KCNAB1: variants seen among roughly 807,000 people sequenced by gnomAD.
KCNAB1 encodes the protein potassium voltage-gated channel subfamily A regulatory beta subunit 1.
In KCNAB1, 35 loss-of-function variants were observed where a neutral mutation model predicts 64.6. The observed-to-expected ratio is 0.54, with a 90% CI of 0.41 to 0.72. The LOEUF is 0.72. Among genes scored for constraint, KCNAB1 ranks in the 30% least tolerant of loss-of-function variants. KCNAB1 has a pLI of 0.00. For missense variants in KCNAB1, 401 were observed against 512.9 expected, an observed-to-expected ratio of 0.78 and a Z score of 2.11; for synonymous variants, 177 against 183.8, an observed-to-expected ratio of 0.96 and a Z score of 0.30.
At chr3:156,488,164 G>A (rs868768523) in intron 8 of KCNAB1, among the ~76,000 whole-genome samples, 7 of 152,122 alleles carry the variant, frequency 4.6e-5, no homozygotes, top group Middle Eastern at 3.4e-3. Flanking sequence ...GCATACATAG[G>A]ATTTATTAGA....
chr3:156,176,775 A>G (rs751315877), intron 1 of KCNAB1: 866 of 887,482 alleles, frequency 9.8e-4, no homozygotes, highest in Non-Finnish European at 1.5e-3. Context: ...TCCTGCTTGC[A>G]GCAAAGCTCC....
chr3:156,367,221 G>T (rs1259496301), intron 1 of KCNAB1, among the ~76,000 whole-genome samples: 8 of 147,226 alleles, frequency 5.4e-5, no homozygotes, highest in Non-Finnish European at 8.9e-5. Context: ...TGTCACCCAG[G>T]CTAGAGTGCA....
chr3:156,415,494 A>G (rs1329419965), intron 1 of KCNAB1, among the ~76,000 whole-genome samples: 1 of 151,990 alleles, frequency 6.6e-6, no homozygotes, highest in Non-Finnish European at 1.5e-5. Flanking sequence ...CCGTGACACA[A>G]CTGGAATGGC....
rs3085726 is a variant in KCNAB1, at chr3:156,537,240, C to CA, written c.*505dup. On this transcript the variant is annotated 3_prime_UTR_variant, in exon 14 of 14. Transcript: ENST00000490337. ...TAGTTATTAAAAATATATCTCACTGCAAAAAAAAAAAAGCAGTATCTTCAC... is the reference window on the plus strand; with the variant it reads ...TAGTTATTAAAAATATATCTCACTGCAAAAAAAAAAAAAGCAGTATCTTCAC... The CA allele has an allele frequency of 0.13, 45,959 of 347,762 alleles. 1,527 individuals carry two copies. Among genetic ancestry groups the CA allele is most frequent in the South Asian group, 0.19 (1,231 of 6,474 alleles). 21.5% of individuals were successfully genotyped at this position (347,762 alleles called of 1,614,324 possible).
chr3:156,124,981 T>C (rs1252525798), intron 1 of KCNAB1, among the ~76,000 whole-genome samples: 2 of 151,900 alleles, frequency 1.3e-5, no homozygotes, highest in Non-Finnish European at 2.9e-5. Context: ...CTACTAAAAA[T>C]ACAAAAATTA....
intron 13 of KCNAB1, among the ~76,000 whole-genome samples, chr3:156,536,370 A>AT (rs1719057656): frequency 6.6e-6 from 1 of 152,234 alleles, no homozygotes; most frequent in African/African-American, 2.4e-5. Flanking sequence ...CTAATAGAAA[A>AT]TTTTAAATTA....
intron 8 of KCNAB1, among the ~76,000 whole-genome samples, chr3:156,505,474 G>A (rs991834474): frequency 6.6e-6 from 1 of 152,152 alleles, no homozygotes; most frequent in African/African-American, 2.4e-5. Flanking sequence ...TACATTGAAT[G>A]TATAGATTGC....
At chr3:156,484,280 CACA>C (rs1238088497) in intron 8 of KCNAB1, among the ~76,000 whole-genome samples, 1 of 152,088 alleles carries the variant, frequency 6.6e-6, no homozygotes, top group Non-Finnish European at 1.5e-5. Flanking sequence ...TGTACCTTCT[CACA>C]ACAAGTCTGT....
chr3:156,504,894 G>A (rs1716729055), intron 8 of KCNAB1, among the ~76,000 whole-genome samples: 1 of 151,968 alleles, frequency 6.6e-6, no homozygotes, highest in South Asian at 2.1e-4. Context: ...TTGCTGTGCA[G>A]AAGCTTTTAG....
chr3:156,372,122 A>T (rs2108128700), intron 1 of KCNAB1, among the ~76,000 whole-genome samples: 1 of 152,298 alleles, frequency 6.6e-6, no homozygotes, highest in African/African-American at 2.4e-5. Context: ...TTATTTATTA[A>T]ATAATACAAT....
intron 8 of KCNAB1, among the ~76,000 whole-genome samples, chr3:156,490,202 A>T (rs1309793885): frequency 6.6e-6 from 1 of 152,114 alleles, no homozygotes; most frequent in African/African-American, 2.4e-5. Context: ...CAGAAGACAG[A>T]GTATCTCCTA....
chr3:156,534,283 A>G (rs1718896516), intron 13 of KCNAB1, among the ~76,000 whole-genome samples: 1 of 152,170 alleles, frequency 6.6e-6, no homozygotes, highest in Non-Finnish European at 1.5e-5. Context: ...GCTTCAAGGG[A>G]TGCCACGTGC....
chr3:156,455,355 T>A (rs1005208811), intron 3 of KCNAB1, among the ~76,000 whole-genome samples: 1 of 152,236 alleles, frequency 6.6e-6, no homozygotes, highest in African/African-American at 2.4e-5. Flanking sequence ...GATGTCCCCA[T>A]CACTGGGAGA....
rs144230871 is a variant in KCNAB1 at position 156,305,062 on chromosome 3, C to A, written c.276-116554C>A. On this transcript the variant is annotated intron_variant, in intron 1 of 13. Coordinates refer to ENST00000490337, the MANE Select transcript of KCNAB1 (RefSeq NM_172160.3). ...GGGACTCGAGTATCAGTTTACTTCACTTTGTCTTTACTACCAGTATCTGTA... is the reference window on the plus strand; with the variant it reads ...GGGACTCGAGTATCAGTTTACTTCAATTTGTCTTTACTACCAGTATCTGTA... Among the ~76,000 whole-genome samples, 372 of 151,834 alleles carry A rather than the reference C, an allele frequency of 2.5e-3. 10 individuals carry two copies. The East Asian group carries it at 0.042, about 17-fold the overall frequency.
chr3:156,142,060 T>A (rs1310980466), intron 1 of KCNAB1, among the ~76,000 whole-genome samples: 2 of 152,224 alleles, frequency 1.3e-5, no homozygotes, highest in African/African-American at 2.4e-5. Context: ...TTCAGTGAAA[T>A]GTTTGTTCAT....
chr3:156,366,837 G>A (rs763031401), intron 1 of KCNAB1, among the ~76,000 whole-genome samples: 40 of 152,148 alleles, frequency 2.6e-4, no homozygotes, highest in South Asian at 8.3e-4. Flanking sequence ...GACCTGTCAC[G>A]CAGTTATAGG....
chr3:156,488,979 G>A (rs900449080), intron 8 of KCNAB1, among the ~76,000 whole-genome samples: 2 of 152,144 alleles, frequency 1.3e-5, no homozygotes, highest in African/African-American at 4.8e-5. Flanking sequence ...GGATGGAGTT[G>A]CCATCAGTTG....
At chr3:156,342,074 C>T (rs925827687) in intron 1 of KCNAB1, among the ~76,000 whole-genome samples, 5 of 152,186 alleles carry the variant, frequency 3.3e-5, no homozygotes, top group Non-Finnish European at 7.3e-5. Context: ...GTGCTACCTT[C>T]GGCTTCATTG....
At chr3:156,326,184 T>G (rs568731978) in intron 1 of KCNAB1, among the ~76,000 whole-genome samples, 1 of 152,302 alleles carries the variant, frequency 6.6e-6, no homozygotes, top group South Asian at 2.1e-4. Flanking sequence ...TATTTTTGCC[T>G]TGTTGCATTG....
Sources: allele counts gnomAD v4.1 joint callset (sites outside exome capture counted in the v4.1 genomes callset), GRCh38; gene constraint gnomAD v4.1.1; transcripts MANE v1.5; gene names NCBI Gene and HGNC (gene_info 2026-07-23, HGNC 2026-07-21).